The following LPAR1 variants were observed in gnomAD, a reference collection of about 807,000 sequenced individuals.
LPAR1 encodes lysophosphatidic acid receptor 1.
LPAR1 carries 5 observed loss-of-function variants against 23.8 expected under a neutral mutation model. That is an observed-to-expected ratio of 0.21 (90% CI 0.11 to 0.44). The LOEUF is 0.44. LPAR1 is among the 20% of genes least tolerant of loss of function. The pLI is 0.99. For missense variants in LPAR1, 311 were observed against 482.8 expected, an observed-to-expected ratio of 0.64 and a Z score of 3.33; for synonymous variants, 160 against 164.7, an observed-to-expected ratio of 0.97 and a Z score of 0.22.
intron 5 of LPAR1, among the ~76,000 whole-genome samples, chr9:110,879,703 C>A (rs922662224): frequency 7.2e-5 from 11 of 152,106 alleles, no homozygotes; most frequent in Non-Finnish European, 1.6e-4. Context: ...ACATTGGTGA[C>A]AGAGTGGAAG....
chr9:111,021,547 C>G (rs2097560319), intron 2 of LPAR1, among the ~76,000 whole-genome samples: 1 of 152,086 alleles, frequency 6.6e-6, no homozygotes, highest in South Asian at 2.1e-4. Flanking sequence ...CATATTTCTC[C>G]AAAGCAAGCA....
chr9:110,976,399 A>G (rs1320735001), intron 2 of LPAR1, among the ~76,000 whole-genome samples: 1 of 151,830 alleles, frequency 6.6e-6, no homozygotes, highest in African/African-American at 2.4e-5. Flanking sequence ...CCAGCTACTC[A>G]GGAGGCTGAG....
chr9:111,001,286 C>T lies in LPAR1; in HGVS notation c.-181-27728G>A, dbSNP rs1264036355. Among the ~76,000 whole-genome samples the T allele has an allele frequency of 2.0e-5, 3 of 152,284 alleles. No individual in the cohort carries two copies. In the East Asian group the frequency reaches 5.8e-4, roughly 29 times the overall value. On this transcript the variant is annotated intron_variant, in intron 2 of 5. Transcript: ENST00000683809. ...CCAAGGAAGTCTATAGATAAACCTG[C>T]TCCTAAATTTCCAGTGAAATGCTAA...
intron 1 of LPAR1, among the ~76,000 whole-genome samples, chr9:111,036,941 T>C (rs1252839908): frequency 2.0e-5 from 3 of 152,238 alleles, no homozygotes; most frequent in African/African-American, 7.2e-5. Context: ...CTGTGTATTT[T>C]AATGATGTTT....
intron 2 of LPAR1, among the ~76,000 whole-genome samples, chr9:110,992,249 G>A (rs2096911059): frequency 6.6e-6 from 1 of 152,106 alleles, no homozygotes; most frequent in Admixed American, 6.5e-5. Context: ...ACGGATGGCA[G>A]ATAAGCATAG....
chr9:110,918,931 A>G (rs2093410883), intron 5 of LPAR1, among the ~76,000 whole-genome samples: 1 of 151,942 alleles, frequency 6.6e-6, no homozygotes, highest in Admixed American at 6.6e-5. Context: ...TCTATGGTGG[A>G]CACACCCTAA....
At chr9:111,017,986 T>G (rs1406320494) in intron 2 of LPAR1, among the ~76,000 whole-genome samples, 1 of 151,852 alleles carries the variant, frequency 6.6e-6, no homozygotes, top group Non-Finnish European at 1.5e-5. Context: ...GCCACTGCAC[T>G]CCAACCTGGC....
intron 2 of LPAR1, among the ~76,000 whole-genome samples, chr9:111,009,510 G>T (rs2097285997): frequency 6.6e-6 from 1 of 152,028 alleles, no homozygotes; most frequent in African/African-American, 2.4e-5. Context: ...GAAAAGTGTG[G>T]GGTTTACAGA....
chr9:111,005,231 C>T (rs1235027037), intron 2 of LPAR1, among the ~76,000 whole-genome samples: 1 of 150,814 alleles, frequency 6.6e-6, no homozygotes, highest in Non-Finnish European at 1.5e-5. Context: ...ATTTAACCTC[C>T]TGCAATGATC....
chr9:111,037,976 C>G (rs1189580145), intron 1 of LPAR1, 191 bp downstream of exon 1: 1 of 152,178 alleles, frequency 6.6e-6, no homozygotes, highest in African/African-American at 2.4e-5. Flanking sequence ...CACGGCCACC[C>G]ACCCGCGCCG....
chr9:110,959,477 G>C (rs976439489), intron 4 of LPAR1, among the ~76,000 whole-genome samples: 1 of 152,012 alleles, frequency 6.6e-6, no homozygotes, highest in African/African-American at 2.4e-5. Context: ...AATTAGCCAG[G>C]CATGGTGGTA....
At chr9:110,944,160 C>T (rs956070509) in intron 4 of LPAR1, among the ~76,000 whole-genome samples, 4 of 152,094 alleles carry the variant, frequency 2.6e-5, no homozygotes, top group African/African-American at 9.7e-5. Flanking sequence ...TGACATAACC[C>T]GCAAGAACTT....
chr9:111,035,636 G>GT (rs1040846545), intron 2 of LPAR1, among the ~76,000 whole-genome samples: 1 of 152,188 alleles, frequency 6.6e-6, no homozygotes, highest in Non-Finnish European at 1.5e-5. Flanking sequence ...AAGAGCTTAT[G>GT]TTTAAGTTTT....
intron 5 of LPAR1, among the ~76,000 whole-genome samples, chr9:110,925,156 C>G (rs961296097): frequency 1.3e-5 from 2 of 151,666 alleles, no homozygotes; most frequent in Non-Finnish European, 2.9e-5. Context: ...TTATGGCACC[C>G]AAGGAGACAA....
At chr9:110,884,450 A>G (rs1013506232) in intron 5 of LPAR1, among the ~76,000 whole-genome samples, 1 of 152,204 alleles carries the variant, frequency 6.6e-6, no homozygotes, top group African/African-American at 2.4e-5. Context: ...TTCTGTCATC[A>G]GACTATTTTT....
At chr9:111,001,566 T>C (rs1328516929) in intron 2 of LPAR1, among the ~76,000 whole-genome samples, 2 of 152,276 alleles carry the variant, frequency 1.3e-5, no homozygotes, top group African/African-American at 4.8e-5. Flanking sequence ...CACCCCAACT[T>C]CATATCATAC....
In LPAR1 at chr9:110,876,993, CCATATGTGTAATCAGGCAGGCTA is replaced by C. The variant is rs1299379181; in HGVS notation, c.794-1294_794-1272del. Among the ~76,000 whole-genome samples the C allele has an allele frequency of 2.6e-5, 4 of 152,196 alleles. No homozygotes were observed. The South Asian group carries it at 6.2e-4, about 24-fold the overall frequency. On this transcript the variant is annotated intron_variant, in intron 5 of 5. Transcript: ENST00000683809. ...CCCATTACACCTCACCTAATGGGCCCCATATGTGTAATCAGGCAGGCTACATATGTGTAATCAGGCAGAGCGGA... is the reference window on the plus strand; with the variant it reads ...CCCATTACACCTCACCTAATGGGCCCCATATGTGTAATCAGGCAGAGCGGA...
At position 110,958,642 on chromosome 9, in the gene LPAR1, G is replaced by A. The variant is rs144185752; in HGVS notation, c.45+13431C>T. Among the ~76,000 whole-genome samples, 22 of 152,054 alleles carry A rather than the reference G, an allele frequency of 1.4e-4. No homozygotes were observed. In the East Asian group the frequency reaches 1.7e-3, roughly 12 times the overall value. ...TACTAAAAACATTGGGAAACACTTCGGGGCACTGATCTAGGCAAATATTTT... is the reference window on the plus strand; with the variant it reads ...TACTAAAAACATTGGGAAACACTTCAGGGCACTGATCTAGGCAAATATTTT... On this transcript the variant is annotated intron_variant, in intron 4 of 5. Transcript: ENST00000683809.
At chr9:111,036,224 G>A (rs1305723279) in intron 1 of LPAR1, 23 bp from the exon 2 acceptor site, 2 of 152,064 alleles carry the variant, frequency 1.3e-5, no homozygotes, top group Non-Finnish European at 2.9e-5. Flanking sequence ...TGATGCAAAT[G>A]AGTCAAGTGA....
Sources: allele counts gnomAD v4.1 joint callset (sites outside exome capture counted in the v4.1 genomes callset), GRCh38; gene constraint gnomAD v4.1.1; transcripts MANE v1.5; gene names NCBI Gene and HGNC (gene_info 2026-07-23, HGNC 2026-07-21).